The following SLX4IP variants were observed in gnomAD, a reference collection of about 807,000 sequenced individuals.
SLX4IP encodes protein SLX4IP.
SLX4IP carries 34 observed loss-of-function variants against 32.9 expected under a neutral mutation model. That is an observed-to-expected ratio of 1.03 (90% confidence interval 0.79 to 1.38). The LOEUF is 1.38. SLX4IP is among the 40% of genes most tolerant of loss of function. SLX4IP has a pLI of 0.00. For missense variants in SLX4IP, 444 were observed against 479.0 expected, an observed-to-expected ratio of 0.93 and a Z score of 0.68; for synonymous variants, 172 against 171.7, an observed-to-expected ratio of 1.00 and a Z score of -0.01.
At chr20:10,596,485 C>T (rs139491363) in intron 4 of SLX4IP, among the ~76,000 whole-genome samples, 568 of 152,122 alleles carry the variant, frequency 3.7e-3, no homozygotes, top group Middle Eastern at 0.017. Flanking sequence ...CACTTTGGCC[C>T]CTCAAAGTAC....
At chr20:10,582,828 G>T (rs886656954) in intron 4 of SLX4IP, among the ~76,000 whole-genome samples, 1 of 151,878 alleles carries the variant, frequency 6.6e-6, no homozygotes, top group Non-Finnish European at 1.5e-5. Flanking sequence ...CTTATAAAAT[G>T]TTATTTTCAG....
At chr20:10,482,967 C>T (rs1412990230) in intron 2 of SLX4IP, among the ~76,000 whole-genome samples, 1 of 152,154 alleles carries the variant, frequency 6.6e-6, no homozygotes, top group Non-Finnish European at 1.5e-5. Flanking sequence ...GGTGATGATG[C>T]ACCAGTCCCA....
In SLX4IP at chr20:10,568,580, C is replaced by T. The variant is rs796815473; in HGVS notation, c.238+7760C>T. Among the ~76,000 whole-genome samples, 6 of 152,286 alleles carry T rather than the reference C, an allele frequency of 3.9e-5. 1 individual carries two copies. The highest frequency in any genetic ancestry group is 1.4e-4 in the African/African-American group (6 of 41,554). On this transcript the variant is annotated intron_variant, in intron 4 of 7. Coordinates refer to ENST00000334534, the MANE Select transcript of SLX4IP (RefSeq NM_001009608.3). ...TACCAAAGAGGAAAGTGAGATAAGA[C>T]CATATGAAAGATGCTCATGGATGTT... is the stretch of plus-strand genomic sequence containing the variant.
intron 3 of SLX4IP, among the ~76,000 whole-genome samples, chr20:10,560,063 A>AG (rs1256697073): frequency 2.0e-5 from 3 of 152,246 alleles, no homozygotes; most frequent in Non-Finnish European, 4.4e-5. Flanking sequence ...AAAATGGGAT[A>AG]GTTTATATAA....
chr20:10,547,881 G>A (rs756910082), intron 2 of SLX4IP, among the ~76,000 whole-genome samples: 1 of 152,180 alleles, frequency 6.6e-6, no homozygotes, highest in African/African-American at 2.4e-5. Flanking sequence ...ACAGAAGGCA[G>A]CTCCTCCACA....
At chr20:10,587,051 AG>A (rs1049069004) in intron 4 of SLX4IP, among the ~76,000 whole-genome samples, 3 of 152,088 alleles carry the variant, frequency 2.0e-5, no homozygotes, top group Non-Finnish European at 4.4e-5. Context: ...ACTAAAAACT[AG>A]GATCAAAAAA....
At chr20:10,471,303 G>C (rs2065422956) in intron 2 of SLX4IP, among the ~76,000 whole-genome samples, 1 of 152,184 alleles carries the variant, frequency 6.6e-6, no homozygotes, top group African/African-American at 2.4e-5. Context: ...CCCTGGGTTA[G>C]GCACTATAGA....
chr20:10,606,282 G>A lies in SLX4IP; in HGVS notation c.405+4463G>A, dbSNP rs2066904514. Among the ~76,000 whole-genome samples, 4 of 152,116 alleles carry A rather than the reference G, an allele frequency of 2.6e-5. No individual in the cohort carries two copies. In the South Asian group the frequency reaches 8.3e-4, roughly 32 times the overall value. The stretch of plus-strand genomic sequence containing the variant: ...TAGGCCTTATGTTTTTAGAACAGAA[G>A]AAATAAGCTAATTAACATTTGACTG... On this transcript the variant is annotated intron_variant, in intron 6 of 7. Transcript: ENST00000334534.
intron 4 of SLX4IP, among the ~76,000 whole-genome samples, chr20:10,582,520 A>T (rs543737075): frequency 1.3e-5 from 2 of 152,150 alleles, no homozygotes; most frequent in African/African-American, 4.8e-5. Flanking sequence ...TTTCTATTCC[A>T]TGCTTAACGG....
intron 2 of SLX4IP, among the ~76,000 whole-genome samples, chr20:10,538,816 C>T (rs857010): frequency 0.54 from 82,586 of 152,020 alleles, 23,051 homozygotes; most frequent in South Asian, 0.72. Context: ...TGTGAGCCAC[C>T]GCACCAGACC....
chr20:10,537,256 TATGCA>T (rs1194571395), intron 2 of SLX4IP, among the ~76,000 whole-genome samples: 13 of 152,200 alleles, frequency 8.5e-5, no homozygotes, highest in African/African-American at 2.9e-4. Flanking sequence ...TATGGCAGTT[TATGCA>T]GGAACTACTT....
intron 2 of SLX4IP, among the ~76,000 whole-genome samples, chr20:10,534,855 T>A (rs533716520): frequency 6.6e-6 from 1 of 152,316 alleles, no homozygotes; most frequent in Admixed American, 6.5e-5. Context: ...TAGGTTGTTA[T>A]GAAAATCAAG....
chr20:10,493,672 T>C (rs1568708397), intron 2 of SLX4IP, among the ~76,000 whole-genome samples: 1 of 152,090 alleles, frequency 6.6e-6, no homozygotes, highest in South Asian at 2.1e-4. Context: ...ATGTAGTGGT[T>C]ATTCCTGTCT....
At chr20:10,576,488 A>G (rs1416674466) in intron 4 of SLX4IP, among the ~76,000 whole-genome samples, 1 of 152,214 alleles carries the variant, frequency 6.6e-6, no homozygotes, top group Non-Finnish European at 1.5e-5. Flanking sequence ...TATTTTAATT[A>G]TTTGATCATG....
At chr20:10,552,826 A>AC (rs1030833519) in intron 2 of SLX4IP, among the ~76,000 whole-genome samples, 4 of 108,350 alleles carry the variant, frequency 3.7e-5, no homozygotes, top group Admixed American at 8.9e-5. Flanking sequence ...CCCTCCCCCC[A>AC]CCCCCTTTTT....
At chr20:10,619,938 A>G (rs1353519062) in intron 6 of SLX4IP, among the ~76,000 whole-genome samples, 2 of 152,264 alleles carry the variant, frequency 1.3e-5, no homozygotes, top group Non-Finnish European at 2.9e-5. Flanking sequence ...CACTTGGGTT[A>G]TAACCAGATA....
intron 2 of SLX4IP, among the ~76,000 whole-genome samples, chr20:10,491,953 T>C (rs1431682146): frequency 2.0e-5 from 3 of 152,230 alleles, no homozygotes; most frequent in Non-Finnish European, 4.4e-5. Flanking sequence ...CATTTGGTAT[T>C]GATTTGCACA....
chr20:10,565,367 C>T (rs2066380278), intron 4 of SLX4IP, among the ~76,000 whole-genome samples: 1 of 152,124 alleles, frequency 6.6e-6, no homozygotes, highest in African/African-American at 2.4e-5. Context: ...TGAAGCTACG[C>T]AAAACAGCCT....
intron 2 of SLX4IP, among the ~76,000 whole-genome samples, chr20:10,521,542 G>C (rs764553913): frequency 1.2e-4 from 19 of 152,090 alleles, no homozygotes; most frequent in Non-Finnish European, 2.5e-4. Flanking sequence ...GAGCTAATTA[G>C]TATTTTCTTT....
Sources: allele counts gnomAD v4.1 joint callset (sites outside exome capture counted in the v4.1 genomes callset), GRCh38; gene constraint gnomAD v4.1.1; transcripts MANE v1.5; gene names NCBI Gene and HGNC (gene_info 2026-07-23, HGNC 2026-07-21).